VAT1L: variants seen among roughly 807,000 people sequenced by gnomAD.
The protein encoded by VAT1L is putative NADPH-dependent quinone oxidoreductase VAT1L.
VAT1L carries 34 observed loss-of-function variants against 44.1 expected under a neutral mutation model. That is an observed-to-expected ratio of 0.77 (90% CI 0.59 to 1.03). The LOEUF (loss-of-function observed/expected upper bound fraction) is 1.03. Among genes scored for constraint, VAT1L ranks in the 50% least tolerant of loss-of-function variants. VAT1L has a pLI of 0.00. For synonymous variants in VAT1L, 253 were observed against 202.2 expected (o/e 1.25, Z -2.13); for missense variants, 615 against 538.8 (o/e 1.14, Z -1.40).
intron 7 of VAT1L, among the ~76,000 whole-genome samples, chr16:77,899,071 C>T (rs1049868789): frequency 6.6e-6 from 1 of 152,212 alleles, no homozygotes; most frequent in African/African-American, 2.4e-5. Flanking sequence ...CTGCCCAGAG[C>T]CAGGCACTGT....
intron 3 of VAT1L, among the ~76,000 whole-genome samples, chr16:77,856,518 T>C (rs1174113464): frequency 1.3e-5 from 2 of 152,206 alleles, no homozygotes; most frequent in Non-Finnish European, 2.9e-5. Context: ...TTTAAAGAGA[T>C]GAATTCACTC....
Position 77,822,707 on chromosome 16 carries a change from G to C in VAT1L, c.364-2539G>C, listed in dbSNP as rs1044627772. ...GAAAGGAGATGCAAGGAGGCAGTGA[G>C]AATGTCCTCCTTGCCCAGCTGTCGG... On this transcript the variant is annotated intron_variant, in intron 2 of 8. Transcript: ENST00000302536. Among the ~76,000 whole-genome samples the C allele has an allele frequency of 4.6e-5, 7 of 152,312 alleles. No homozygotes were observed. In the East Asian group the frequency reaches 1.4e-3, roughly 29 times the overall value.
At chr16:77,796,662 A>G (rs1204568877) in intron 1 of VAT1L, among the ~76,000 whole-genome samples, 1 of 152,222 alleles carries the variant, frequency 6.6e-6, no homozygotes, top group East Asian at 1.9e-4. Context: ...GTGGCACTCA[A>G]TAAAGGTTGT....
chr16:77,934,697 T>C (rs1447627917), intron 7 of VAT1L, among the ~76,000 whole-genome samples: 2 of 152,194 alleles, frequency 1.3e-5, no homozygotes, highest in African/African-American at 4.8e-5. Flanking sequence ...TAAAGGGTGA[T>C]CACCACAGCA....
chr16:77,867,607 C>T (rs2016988824), intron 4 of VAT1L, among the ~76,000 whole-genome samples: 1 of 151,906 alleles, frequency 6.6e-6, no homozygotes, highest in Admixed American at 6.6e-5. Flanking sequence ...CCTGTAAATC[C>T]AGGACTTTAG....
At position 77,788,647 on chromosome 16, in the gene VAT1L, C is replaced by G. The variant is rs1207321721; in HGVS notation, c.-36C>G. On this transcript the variant is annotated 5_prime_UTR_variant, in exon 1 of 9. Coordinates refer to ENST00000302536, the MANE Select transcript of VAT1L (RefSeq NM_020927.3). ...TCCCCCAGCGCCGCAGCCACCGCAG[C>G]CACCGCAGCCCGTGCGCCCCGCGCC... is the stretch of plus-strand genomic sequence containing the variant. 6.5e-7 allele frequency: 1 copy of G among 1,543,652 alleles called. No homozygotes were observed. The highest frequency in any genetic ancestry group is 1.4e-5 in the African/African-American group (1 of 72,530).
intron 7 of VAT1L, among the ~76,000 whole-genome samples, chr16:77,917,285 G>A (rs1223195066): frequency 1.3e-5 from 2 of 152,080 alleles, no homozygotes; most frequent in Non-Finnish European, 2.9e-5. Flanking sequence ...AAAAAGGAAG[G>A]GGCAAGCCAT....
intron 3 of VAT1L, among the ~76,000 whole-genome samples, chr16:77,828,254 T>C (rs2016544971): frequency 6.6e-6 from 1 of 152,228 alleles, no homozygotes; most frequent in Admixed American, 6.5e-5. Flanking sequence ...GGTACCTGTA[T>C]GTTGCCTTAC....
chr16:77,876,890 A>C (rs368974093), intron 5 of VAT1L, among the ~76,000 whole-genome samples: 3 of 152,190 alleles, frequency 2.0e-5, no homozygotes, highest in Middle Eastern at 3.2e-3. Flanking sequence ...TTACTATTTG[A>C]GAAGTTGCAA....
rs2016505521 is a variant in VAT1L at position 77,825,281 on chromosome 16, T to C, written c.399T>C (p.Asn133=). 1 of 1,614,196 alleles carries C rather than the reference T, an allele frequency of 6.2e-7. No individual in the cohort carries two copies. The highest frequency in any genetic ancestry group is 8.5e-7 in the Non-Finnish European group (1 of 1,180,044). The stretch of plus-strand genomic sequence containing the variant: ...GTGTCATGGCATTTGTCAATTACAA[T>C]GCCTGGGCAGAGGTGGTCTGCACAC... ...GDRVMAFVNY[N]AWAEVVCTPV... Residue 133 remains asparagine (N), a synonymous_variant, in exon 3 of 9, where the codon AAT becomes AAC. Coordinates refer to ENST00000302536, the MANE Select transcript of VAT1L (RefSeq NM_020927.3).
At chr16:77,966,707 A>G (rs1305121476) in intron 7 of VAT1L, among the ~76,000 whole-genome samples, 2 of 152,214 alleles carry the variant, frequency 1.3e-5, no homozygotes, top group Non-Finnish European at 2.9e-5. Context: ...AACATGTAAT[A>G]AATGTCAACA....
In VAT1L at chr16:77,940,931, T is replaced by C. The variant is rs539804427; in HGVS notation, c.1078-30919T>C. On this transcript the variant is annotated intron_variant, in intron 7 of 8. Transcript: ENST00000302536. The stretch of plus-strand genomic sequence containing the variant: ...AGGTACTAATCTGCTTTAACACCTC[T>C]TGAACACATCCCTCTCCCTTTTCAA... Among the ~76,000 whole-genome samples, 105 of 152,280 alleles carry C rather than the reference T, an allele frequency of 6.9e-4. 1 individual carries two copies. The highest frequency in any genetic ancestry group is 2.5e-3 in the African/African-American group (103 of 41,556).
At chr16:77,816,793 A>T in intron 1 of VAT1L, 128 bp from the exon 2 acceptor site, 1 of 1,256,966 alleles carries the variant, frequency 8.0e-7, no homozygotes, top group Non-Finnish European at 1.1e-6. Flanking sequence ...AAGAAAAAAA[A>T]AAGACAGGAA....
intron 7 of VAT1L, among the ~76,000 whole-genome samples, chr16:77,898,940 T>G (rs1337407998): frequency 2.0e-5 from 3 of 152,180 alleles, no homozygotes; most frequent in Non-Finnish European, 4.4e-5. Context: ...TAGCTTGTTT[T>G]GGGAGGTTCT....
intron 6 of VAT1L, among the ~76,000 whole-genome samples, chr16:77,883,146 T>G (rs1468044566): frequency 1.3e-5 from 2 of 152,188 alleles, no homozygotes; most frequent in East Asian, 3.9e-4. Context: ...GAAAACAGGA[T>G]ATAAATGAGC....
chr16:77,903,930 G>C (rs564241452), intron 7 of VAT1L, among the ~76,000 whole-genome samples: 1 of 151,646 alleles, frequency 6.6e-6, no homozygotes. Context: ...TAAAGACAGG[G>C]TTTCACCATG....
intron 7 of VAT1L, among the ~76,000 whole-genome samples, chr16:77,921,254 G>A (rs553029215): frequency 5.3e-4 from 81 of 152,230 alleles, no homozygotes; most frequent in Non-Finnish European, 9.9e-4. Context: ...ACTGTAAATC[G>A]GGACTATTCC....
chr16:77,789,785 C>A (rs909779194), intron 1 of VAT1L, among the ~76,000 whole-genome samples: 2 of 151,536 alleles, frequency 1.3e-5, no homozygotes, highest in African/African-American at 4.9e-5. Context: ...CCCATTCCCC[C>A]TGGGGGAACT....
intron 7 of VAT1L, among the ~76,000 whole-genome samples, chr16:77,939,550 A>G (rs1337538485): frequency 6.6e-6 from 1 of 152,192 alleles, no homozygotes; most frequent in Admixed American, 6.5e-5. Context: ...AGAAGAACAT[A>G]ACTCCAAAGC....
Sources: allele counts gnomAD v4.1 joint callset (sites outside exome capture counted in the v4.1 genomes callset), GRCh38; gene constraint gnomAD v4.1.1; transcripts MANE v1.5; gene names NCBI Gene and HGNC (gene_info 2026-07-23, HGNC 2026-07-21).